LGR5: variants seen among roughly 807,000 people sequenced by gnomAD.
LGR5 encodes the protein leucine rich repeat containing G protein-coupled receptor 5, also known as leucine-rich repeat-containing G protein-coupled receptor 5.
In LGR5, 54 loss-of-function variants were observed where a neutral mutation model predicts 76.7. The ratio of observed to expected loss-of-function variants is 0.70; its 90% CI spans 0.57 to 0.88. LGR5 has a LOEUF of 0.88. Among genes scored for constraint, LGR5 ranks in the 40% least tolerant of loss-of-function variants. The pLI is 0.00. For missense variants in LGR5, 1,078 were observed against 1,073.3 expected, an observed-to-expected ratio of 1.00 and a Z score of -0.06; for synonymous variants, 406 against 421.9, an observed-to-expected ratio of 0.96 and a Z score of 0.46.
chr12:71,552,072 G>A lies in LGR5; in HGVS notation c.429-1001G>A, dbSNP rs1406227789. ...ACACAGAGAGGGGAACATCATACAT[G>A]GGGGCCTGTCGGCAGGTGGGGGGCA... is the stretch of plus-strand genomic sequence containing the variant. On this transcript the variant is annotated intron_variant, in intron 4 of 17. Transcript: ENST00000266674. Among the ~76,000 whole-genome samples, 3 of 151,778 alleles carry A rather than the reference G, an allele frequency of 2.0e-5. No individual in the cohort carries two copies. The South Asian group carries it at 6.2e-4, about 32-fold the overall frequency.
At chr12:71,576,788 A>C (rs1290854818) in intron 13 of LGR5, among the ~76,000 whole-genome samples, 5 of 152,174 alleles carry the variant, frequency 3.3e-5, no homozygotes, top group Admixed American at 6.5e-5. Flanking sequence ...ACCATGATCT[A>C]CTTAAAGCTG....
intron 3 of LGR5, among the ~76,000 whole-genome samples, chr12:71,525,536 CAA>C (rs1174685284): frequency 7.9e-5 from 12 of 151,504 alleles, no homozygotes; most frequent in Admixed American, 7.9e-4. Flanking sequence ...ACAAACCCCC[CAA>C]AAAAATTTGG....
chr12:71,476,623 A>G (rs1002517988), intron 1 of LGR5, among the ~76,000 whole-genome samples: 2 of 152,170 alleles, frequency 1.3e-5, no homozygotes, highest in Non-Finnish European at 2.9e-5. Context: ...ATCTTGACAC[A>G]TTACCACAGC....
chr12:71,560,254 C>T (rs1208986363), intron 7 of LGR5, among the ~76,000 whole-genome samples: 2 of 152,100 alleles, frequency 1.3e-5, no homozygotes, highest in Non-Finnish European at 2.9e-5. Flanking sequence ...TCTATTAACA[C>T]ATATTTTGTA....
Position 71,566,838 on chromosome 12 carries a change from C to T in LGR5, c.999-3C>T. 3.7e-6 allele frequency: 6 copies of T among 1,613,036 alleles called. No individual in the cohort carries two copies. The highest frequency in any genetic ancestry group is 4.2e-6 in the Non-Finnish European group (5 of 1,179,040). On this transcript the variant is annotated splice_region_variant and splice_polypyrimidine_tract_variant and intron_variant, in intron 10 of 17. Transcript: ENST00000266674. ...GAATTATGTCTGGTTTGTGTTTTAACAGGACTTTAACTGGAGCACAGATCT... is the reference window on the plus strand; with the variant it reads ...GAATTATGTCTGGTTTGTGTTTTAATAGGACTTTAACTGGAGCACAGATCT...
At position 71,468,000 on chromosome 12, in the gene LGR5, T is replaced by G. The variant is rs1406649952; in HGVS notation, c.212+27708T>G. ...TCATATTAATGTGGGATAAGCAGAT[T>G]GATTTTCACTAAACATTGTGAGAGT... On this transcript the variant is annotated intron_variant, in intron 1 of 17. Coordinates refer to ENST00000266674, the MANE Select transcript of LGR5 (RefSeq NM_003667.4). Among the ~76,000 whole-genome samples, 3 of 152,184 alleles carry G rather than the reference T, an allele frequency of 2.0e-5. No homozygotes were observed. The East Asian group carries it at 5.8e-4, about 29-fold the overall frequency.
At chr12:71,541,170 G>A (rs1457380641) in intron 4 of LGR5, among the ~76,000 whole-genome samples, 3 of 152,138 alleles carry the variant, frequency 2.0e-5, no homozygotes, top group African/African-American at 4.8e-5. Flanking sequence ...TTGAACATTG[G>A]GGAGAATTAT....
chr12:71,452,643 G>T (rs1243114273), intron 1 of LGR5, among the ~76,000 whole-genome samples: 1 of 152,182 alleles, frequency 6.6e-6, no homozygotes, highest in African/African-American at 2.4e-5. Context: ...GCTTTTACAC[G>T]TAGTTCCTCA....
chr12:71,472,039 T>C (rs1244477363), intron 1 of LGR5, among the ~76,000 whole-genome samples: 1 of 152,038 alleles, frequency 6.6e-6, no homozygotes, highest in Non-Finnish European at 1.5e-5. Context: ...AGACGACACA[T>C]TGGGTACAGT....
chr12:71,551,418 C>G (rs749313726), intron 4 of LGR5, among the ~76,000 whole-genome samples: 1 of 152,154 alleles, frequency 6.6e-6, no homozygotes, highest in Non-Finnish European at 1.5e-5. Flanking sequence ...TAAATGCTTC[C>G]AAAAACATTT....
intron 2 of LGR5, among the ~76,000 whole-genome samples, chr12:71,520,897 A>C (rs1875696161): frequency 6.6e-6 from 1 of 152,230 alleles, no homozygotes; most frequent in South Asian, 2.1e-4. Flanking sequence ...CAGGCAGGCT[A>C]GTGTGGGAGG....
chr12:71,522,405 C>A (rs1875768911), intron 2 of LGR5, among the ~76,000 whole-genome samples: 1 of 151,964 alleles, frequency 6.6e-6, no homozygotes, highest in African/African-American at 2.4e-5. Context: ...ATACCTTTGC[C>A]CTGGTCAAAT....
chr12:71,517,034 A>G (rs1309529422), intron 2 of LGR5, among the ~76,000 whole-genome samples: 3 of 151,282 alleles, frequency 2.0e-5, no homozygotes, highest in African/African-American at 2.4e-5. Flanking sequence ...ACCAAATGTT[A>G]TGTTGCTCTC....
At chr12:71,486,362 G>A (rs931952878) in intron 1 of LGR5, among the ~76,000 whole-genome samples, 10 of 152,130 alleles carry the variant, frequency 6.6e-5, no homozygotes, top group African/African-American at 2.4e-4. Context: ...CATGTGAGTG[G>A]CTGTTAAAAA....
chr12:71,455,414 G>A (rs1485699323), intron 1 of LGR5, among the ~76,000 whole-genome samples: 1 of 151,958 alleles, frequency 6.6e-6, no homozygotes, highest in Non-Finnish European at 1.5e-5. Context: ...GTAGAAAATG[G>A]GAGGTTTCCA....
At chr12:71,566,343 AC>A in intron 8 of LGR5, 60 bp from the exon 9 acceptor site, 1 of 1,056,738 alleles carries the variant, frequency 9.5e-7, no homozygotes, top group Non-Finnish European at 1.5e-6. Flanking sequence ...CAAATTTTGA[AC>A]AGATATTCAT....
chr12:71,452,134 C>T (rs927729276), intron 1 of LGR5, among the ~76,000 whole-genome samples: 1 of 152,196 alleles, frequency 6.6e-6, no homozygotes, highest in African/African-American at 2.4e-5. Flanking sequence ...TTCTTCTGCT[C>T]CTTCTGTCTC....
chr12:71,488,916 A>G (rs1329843931), intron 1 of LGR5, among the ~76,000 whole-genome samples: 1 of 152,222 alleles, frequency 6.6e-6, no homozygotes, highest in Non-Finnish European at 1.5e-5. Flanking sequence ...TAACCTGTCT[A>G]GTAAAGTGAG....
chr12:71,504,437 T>C (rs189497789), intron 1 of LGR5, among the ~76,000 whole-genome samples, 177 bp from the exon 2 acceptor site: 29 of 152,246 alleles, frequency 1.9e-4, no homozygotes, highest in African/African-American at 6.5e-4. Flanking sequence ...GCCCATGATG[T>C]TGTGGGGAAT....
Sources: allele counts gnomAD v4.1 joint callset (sites outside exome capture counted in the v4.1 genomes callset), GRCh38; gene constraint gnomAD v4.1.1; transcripts MANE v1.5; gene names NCBI Gene and HGNC (gene_info 2026-07-23, HGNC 2026-07-21).